Variants in SMOC1 observed in about 807,000 individuals in gnomAD.
SMOC1 encodes the protein SPARC related modular calcium binding 1, also known as SPARC-related modular calcium-binding protein 1.
In SMOC1, 22 loss-of-function variants were observed where a neutral mutation model predicts 56.3. The ratio of observed to expected loss-of-function variants is 0.39; its 90% confidence interval spans 0.28 to 0.56. The LOEUF (loss-of-function observed/expected upper bound fraction) is 0.56, where lower values mean the gene tolerates loss of function less well. Among genes scored for constraint, SMOC1 ranks in the 20% least tolerant of loss-of-function variants. The pLI, the probability that SMOC1 is intolerant of heterozygous loss-of-function variation, is 0.61. For synonymous variants in SMOC1, 193 were observed against 215.0 expected, an observed-to-expected ratio of 0.90 and a Z score of 0.89; for missense variants, 509 against 565.4, an observed-to-expected ratio of 0.90 and a Z score of 1.01.
chr14:70,005,627 G>A (rs1885124548), intron 7 of SMOC1, among the ~76,000 whole-genome samples: 1 of 152,156 alleles, frequency 6.6e-6, no homozygotes, highest in Admixed American at 6.5e-5. Flanking sequence ...AGTTTGCTTG[G>A]ATGTTTTTTC....
chr14:69,967,465 A>AT (rs113947028), intron 3 of SMOC1, among the ~76,000 whole-genome samples: 10,775 of 152,098 alleles, frequency 0.071, 474 homozygotes, highest in Middle Eastern at 0.15. Flanking sequence ...ACATTATGAG[A>AT]TTTTTTTTAA....
intron 1 of SMOC1, among the ~76,000 whole-genome samples, chr14:69,913,384 T>C (rs1884604972): frequency 6.6e-6 from 1 of 152,190 alleles, no homozygotes; most frequent in African/African-American, 2.4e-5. Flanking sequence ...CAGGGAACCT[T>C]AGCATTAGGG....
intron 1 of SMOC1, among the ~76,000 whole-genome samples, chr14:69,927,305 G>A (rs1885036133): frequency 1.3e-5 from 2 of 152,200 alleles, no homozygotes; most frequent in African/African-American, 4.8e-5. Context: ...TCTGTGCTGG[G>A]GCCTACAAGT....
intron 1 of SMOC1, among the ~76,000 whole-genome samples, chr14:69,917,287 G>A (rs964075891): frequency 5.9e-5 from 9 of 152,194 alleles, no homozygotes; most frequent in Admixed American, 5.2e-4. Flanking sequence ...ACATTCAGGG[G>A]TTCTTAGACA....
rs761154559 is a variant in SMOC1, at chr14:69,965,404, T to TAATAATAATAATAATAATAATAATAAA, written c.379-10309_379-10308insTAATAATAATAATAATAATAATAAAAA. On this transcript the variant is annotated intron_variant, in intron 3 of 11. Transcript: ENST00000361956. ...ATAATAATAATAATAATAATAATAATAAAAAGATGACCAAAGGGATACCTG... is the reference window on the plus strand; with the variant it reads ...ATAATAATAATAATAATAATAATAATAATAATAATAATAATAATAATAATAAAAAAAAGATGACCAAAGGGATACCTG... Among the ~76,000 whole-genome samples the TAATAATAATAATAATAATAATAATAAA allele has an allele frequency of 5.2e-4, 77 of 149,476 alleles. 1 individual carries two copies. The highest frequency in any genetic ancestry group is 2.4e-3 in the East Asian group (12 of 5,026).
chr14:69,891,764 T>C (rs2139303905), intron 1 of SMOC1, among the ~76,000 whole-genome samples: 1 of 152,288 alleles, frequency 6.6e-6, no homozygotes, highest in East Asian at 1.9e-4. Flanking sequence ...TCACCGTCGG[T>C]TTAAGATTTC....
At chr14:69,904,683 AGACCTTC>A (rs1322364867) in intron 1 of SMOC1, among the ~76,000 whole-genome samples, 1 of 152,240 alleles carries the variant, frequency 6.6e-6, no homozygotes, top group East Asian at 1.9e-4. Context: ...CCCTGGAGTC[AGACCTTC>A]GTGGGCTCAA....
intron 10 of SMOC1, among the ~76,000 whole-genome samples, chr14:70,016,026 C>T (rs1885497824): frequency 6.6e-6 from 1 of 152,210 alleles, no homozygotes; most frequent in South Asian, 2.1e-4. Flanking sequence ...CACTGCCCCC[C>T]AGCTCAGGGG....
At position 70,014,265 on chromosome 14, in the gene SMOC1, G is replaced by T. The variant is rs539463835; in HGVS notation, c.1046+774G>T. On this transcript the variant is annotated intron_variant, in intron 10 of 11. Coordinates refer to ENST00000361956, the MANE Select transcript of SMOC1 (RefSeq NM_001034852.3). ...CCATAGATAGATACTTACAAAATCT[G>T]TGGTGAGTGCTAGGACAGAGGTGGA... Among the ~76,000 whole-genome samples the T allele has an allele frequency of 2.6e-5, 4 of 152,358 alleles. No individual in the cohort carries two copies. The South Asian group carries it at 8.3e-4, about 32-fold the overall frequency.
At chr14:69,901,367 C>T (rs985035250) in intron 1 of SMOC1, among the ~76,000 whole-genome samples, 2 of 152,154 alleles carry the variant, frequency 1.3e-5, no homozygotes, top group Non-Finnish European at 2.9e-5. Flanking sequence ...TTGTGGATAT[C>T]CTAATTTCTG....
At chr14:69,989,690 C>G (rs1464969990) in intron 5 of SMOC1, among the ~76,000 whole-genome samples, 1 of 152,144 alleles carries the variant, frequency 6.6e-6, no homozygotes, top group Non-Finnish European at 1.5e-5. Context: ...GTGTGACTCC[C>G]CTTAAGACTG....
At chr14:69,894,378 C>G (rs890862592) in intron 1 of SMOC1, among the ~76,000 whole-genome samples, 2 of 152,180 alleles carry the variant, frequency 1.3e-5, no homozygotes, top group Non-Finnish European at 2.9e-5. Flanking sequence ...CCTAGATGGT[C>G]TCAGGAAACT....
At chr14:70,011,858 G>A (rs531784104) in intron 9 of SMOC1, among the ~76,000 whole-genome samples, 4 of 152,292 alleles carry the variant, frequency 2.6e-5, no homozygotes, top group Admixed American at 2.0e-4. Flanking sequence ...ACAATGTTTT[G>A]AGCACTGTGA....
intron 8 of SMOC1, 111 bp downstream of exon 8, chr14:70,011,057 G>A (rs1025603313): frequency 1.1e-5 from 14 of 1,275,804 alleles, no homozygotes; most frequent in East Asian, 2.4e-5. Flanking sequence ...GCCTGGGAGA[G>A]CCATGTTTTC....
intron 1 of SMOC1, among the ~76,000 whole-genome samples, chr14:69,884,435 G>A (rs1883738601): frequency 6.6e-6 from 1 of 152,220 alleles, no homozygotes; most frequent in Non-Finnish European, 1.5e-5. Context: ...TTTCCTTGGT[G>A]TGTAGAAGCT....
intron 1 of SMOC1, among the ~76,000 whole-genome samples, chr14:69,890,348 G>A (rs1883927199): frequency 6.6e-6 from 1 of 152,156 alleles, no homozygotes. Flanking sequence ...GCAAAAAAGG[G>A]AATAGATGAT....
intron 1 of SMOC1, among the ~76,000 whole-genome samples, chr14:69,927,722 G>A (rs1439310145): frequency 1.3e-5 from 2 of 152,272 alleles, no homozygotes; most frequent in African/African-American, 4.8e-5. Context: ...CCGAGGAGGG[G>A]CAGGATTGCT....
At chr14:69,890,769 A>G (rs1883938945) in intron 1 of SMOC1, among the ~76,000 whole-genome samples, 1 of 152,232 alleles carries the variant, frequency 6.6e-6, no homozygotes, top group African/African-American at 2.4e-5. Flanking sequence ...TAACTGTAAA[A>G]AATATATTTA....
At chr14:70,028,095 G>A (rs1249965133) in intron 11 of SMOC1, among the ~76,000 whole-genome samples, 1 of 152,172 alleles carries the variant, frequency 6.6e-6, no homozygotes, top group Admixed American at 6.5e-5. Context: ...GGGTCCAAGG[G>A]ACTGAATTTT....
Sources: gnomAD v4.1 joint callset for allele counts (sites outside exome capture counted in the v4.1 genomes callset) on GRCh38, gnomAD v4.1.1 for gene constraint, MANE v1.5 for transcripts, NCBI Gene and HGNC (gene_info 2026-07-23, HGNC 2026-07-21) for gene names.